ZBED4: variants seen among roughly 807,000 people sequenced by gnomAD.
ZBED4 encodes the protein zinc finger BED-type containing 4, also known as zinc finger BED domain-containing protein 4.
Under a neutral mutation model 15.5 loss-of-function variants are expected in ZBED4, and 4 were observed. The ratio of observed to expected loss-of-function variants is 0.26; its 90% CI spans 0.13 to 0.59. ZBED4 has a LOEUF of 0.59. Among genes scored for constraint, ZBED4 ranks in the 20% least tolerant of loss-of-function variants. The pLI is 0.90. For missense variants in ZBED4, 1,323 were observed against 1,461.8 expected (o/e 0.91, Z 1.55); for synonymous variants, 692 against 608.5 (o/e 1.14, Z -2.02).
chr22:49,877,173 A>G (rs1195106971), intron 1 of ZBED4, among the ~76,000 whole-genome samples: 2 of 151,784 alleles, frequency 1.3e-5, no homozygotes, highest in Non-Finnish European at 1.5e-5. Flanking sequence ...TTATGTTTAA[A>G]GCGTGTTTCT....
At chr22:49,882,838 T>A (rs1368818908) in intron 1 of ZBED4, among the ~76,000 whole-genome samples, 1 of 152,234 alleles carries the variant, frequency 6.6e-6, no homozygotes, top group African/African-American at 2.4e-5. Flanking sequence ...CCTTCTCAGA[T>A]GCAGGAGCCA....
At chr22:49,881,611 C>G (rs570444034) in intron 1 of ZBED4, among the ~76,000 whole-genome samples, 1 of 152,338 alleles carries the variant, frequency 6.6e-6, no homozygotes, top group African/African-American at 2.4e-5. Context: ...CTCCTGCCCT[C>G]AAGTGATCGT....
At chr22:49,875,059 GTTTAA>G (rs751538148) in intron 1 of ZBED4, among the ~76,000 whole-genome samples, 7 of 152,074 alleles carry the variant, frequency 4.6e-5, no homozygotes, top group Non-Finnish European at 7.4e-5. Flanking sequence ...GATACATAGT[GTTTAA>G]TTTAATTTGT....
At chr22:49,870,619 T>G (rs190121453) in intron 1 of ZBED4, among the ~76,000 whole-genome samples, 1 of 152,314 alleles carries the variant, frequency 6.6e-6, no homozygotes, top group East Asian at 1.9e-4. Context: ...CACTTTTATG[T>G]CTCCTTTCGA....
rs372483888 is a variant in ZBED4, at chr22:49,867,381, G to T, written c.-330+13392G>T. Among the ~76,000 whole-genome samples, 1,031 of 152,272 alleles carry T rather than the reference G, an allele frequency of 6.8e-3. 9 individuals carry two copies. The highest frequency in any genetic ancestry group is 0.023 in the African/African-American group (964 of 41,542). On this transcript the variant is annotated intron_variant, in intron 1 of 1. Transcript: ENST00000216268. ...TGTGCCAGGCGGCGGTGGGAGCGGC[G>T]GTTGGGGAGGCACTGCGGTGCATCC...
At chr22:49,872,371 G>T (rs779501786) in intron 1 of ZBED4, among the ~76,000 whole-genome samples, 1 of 152,100 alleles carries the variant, frequency 6.6e-6, no homozygotes, top group African/African-American at 2.4e-5. Flanking sequence ...TGGGTTCTGT[G>T]TATAATTCTA....
At chr22:49,865,596 A>G (rs919279694) in intron 1 of ZBED4, among the ~76,000 whole-genome samples, 1 of 152,100 alleles carries the variant, frequency 6.6e-6, no homozygotes, top group Non-Finnish European at 1.5e-5. Flanking sequence ...AATGGCTTAA[A>G]CCCGGGAGGC....
At chr22:49,862,580 G>A (rs955697977) in intron 1 of ZBED4, among the ~76,000 whole-genome samples, 5 of 151,670 alleles carry the variant, frequency 3.3e-5, no homozygotes, top group Admixed American at 6.6e-5. Flanking sequence ...TGTGCGTGCC[G>A]CCCCAGCCCC....
rs1221117022 is a variant in ZBED4, at chr22:49,868,861, C to T, written c.-329-14473C>T. Among the ~76,000 whole-genome samples, 6 of 151,668 alleles carry T rather than the reference C, an allele frequency of 4.0e-5. No individual in the cohort carries two copies. The East Asian group carries it at 1.2e-3, about 30-fold the overall frequency. On this transcript the variant is annotated intron_variant, in intron 1 of 1. Coordinates refer to ENST00000216268, the MANE Select transcript of ZBED4 (RefSeq NM_014838.3). Reference sequence around the variant, plus strand: ...GCGCAATGGCTCACACCTGTAATCCCAGCACTTTGGGAGGCCAAGGCAGGC... The same window carrying T: ...GCGCAATGGCTCACACCTGTAATCCTAGCACTTTGGGAGGCCAAGGCAGGC...
At position 49,886,042 on chromosome 22, in the gene ZBED4, G is replaced by A. The variant is rs746592015; in HGVS notation, c.2380G>A (p.Ala794Thr). 2.9e-6 allele frequency: 2 copies of A among 683,130 alleles called. No individual in the cohort carries two copies. The highest frequency in any genetic ancestry group is 3.6e-5 in the African/African-American group (2 of 55,992). The allele number at this position is 683,130 out of a possible 1,614,324, so 42.3% of individuals were successfully genotyped here. Residue 794 changes from alanine (A) to threonine (T), a missense_variant, in exon 2 of 2, where the codon GCG (alanine) becomes ACG (threonine). This residue lies in a region of ZBED4 where 100 missense variants were observed against 79.3 expected (regional missense o/e 1.26). Coordinates refer to ENST00000216268, the MANE Select transcript of ZBED4 (RefSeq NM_014838.3). The surrounding 1 kb of genome is among the most constrained non-coding windows in gnomAD (Gnocchi z 7.7). ...IQKQLECWWEAWVTSTGLQVG... is the reference protein window; with the variant it reads ...IQKQLECWWETWVTSTGLQVG... ...GAAGCAGCTGGAGTGCTGGTGGGAA[G>A]CGTGGGTGACCTCCACCGGCCTTCA...
intron 1 of ZBED4, among the ~76,000 whole-genome samples, chr22:49,871,772 T>TTTTTTA (rs1569160170): frequency 6.8e-6 from 1 of 147,720 alleles, no homozygotes; most frequent in South Asian, 2.1e-4. Context: ...TTTTTTTTTT[T>TTTTTTA]GAGACAGAGT....
rs753177858 is a variant in ZBED4 at position 49,884,671 on chromosome 22, G to A, written c.1009G>A (p.Ala337Thr). 15 of 1,609,412 alleles carry A rather than the reference G, an allele frequency of 9.3e-6. No homozygotes were observed. The highest frequency in any genetic ancestry group is 3.3e-5 in the Admixed American group (2 of 59,730). Residue 337 changes from alanine to threonine, a missense_variant, in exon 2 of 2, where the codon GCC becomes ACC. By Grantham distance (58) the Ala-to-Thr change is moderately conservative. Coordinates refer to ENST00000216268, the MANE Select transcript of ZBED4 (RefSeq NM_014838.3). ...LIRHMWRAHR[A>T]IVLQENGGTG... is the part of the protein sequence containing the mutation. ...CAGGCACATGTGGAGGGCACACCGC[G>A]CCATCGTGTTGCAGGAGAACGGGGG...
chr22:49,860,149 A>G (rs1314338444), intron 1 of ZBED4, among the ~76,000 whole-genome samples: 2 of 151,584 alleles, frequency 1.3e-5, no homozygotes, highest in African/African-American at 4.9e-5. Flanking sequence ...ACATACAGAA[A>G]TCAGCCGGGC....
In ZBED4 at chr22:49,887,833, G is replaced by T. The variant is rs2060448257; in HGVS notation, c.*655G>T. 6.0e-6 allele frequency: 1 copy of T among 167,210 alleles called. No individual in the cohort carries two copies. Among genetic ancestry groups the T allele is most frequent in the African/African-American group, 2.4e-5 (1 of 41,442 alleles). The allele number at this position is 167,210 out of a possible 1,614,324, so 10.4% of individuals were successfully genotyped here. On this transcript the variant is annotated 3_prime_UTR_variant, in exon 2 of 2. Coordinates refer to ENST00000216268, the MANE Select transcript of ZBED4 (RefSeq NM_014838.3). Reference sequence around the variant, plus strand: ...AGGTTTCTGCATTCAGGCTTTACATGGTCAGTTAACTCAGAGATACCCCAG... The same window carrying T: ...AGGTTTCTGCATTCAGGCTTTACATTGTCAGTTAACTCAGAGATACCCCAG...
At chr22:49,866,416 C>G (rs904445994) in intron 1 of ZBED4, among the ~76,000 whole-genome samples, 1 of 151,750 alleles carries the variant, frequency 6.6e-6, no homozygotes, top group African/African-American at 2.4e-5. Flanking sequence ...TTGTGTTTCC[C>G]TTTCATTTAT....
chr22:49,886,597 G>A lies in ZBED4; in HGVS notation c.2935G>A (p.Asp979Asn), dbSNP rs777544222. ...GCTCTTCGAGGAGACGATGGGCATC[G>A]ACACCATGCTGCGCTCTCTGAAGGA... ...EMLFEETMGI[D>N]TMLRSLKEAM... The change falls in exon 2 of 2, where the codon GAC becomes AAC. Residue 979 changes from aspartate to asparagine, a missense_variant. By Grantham distance (23) the Asp-to-Asn change is conservative. This residue lies in a region of ZBED4 where 312 missense variants were observed against 410.7 expected (regional missense o/e 0.76). Transcript: ENST00000216268. The surrounding 1 kb of genome is among the most constrained non-coding windows in gnomAD (Gnocchi z 7.7). 12 of 1,559,642 alleles carry A rather than the reference G, an allele frequency of 7.7e-6. No individual in the cohort carries two copies. The highest frequency in any genetic ancestry group is 5.7e-5 in the Admixed American group (3 of 52,808).
chr22:49,855,617 G>T (rs1166407633), intron 1 of ZBED4, among the ~76,000 whole-genome samples: 3 of 152,164 alleles, frequency 2.0e-5, no homozygotes, highest in African/African-American at 4.8e-5. Context: ...CCTTGGTGAG[G>T]AGCCCTGGGG....
intron 1 of ZBED4, among the ~76,000 whole-genome samples, chr22:49,877,231 C>A (rs1003655835): frequency 6.8e-6 from 1 of 146,356 alleles, no homozygotes; most frequent in African/African-American, 2.5e-5. Context: ...TTCTGACAAT[C>A]CCTGTCTGTC....
At chr22:49,869,883 T>C (rs1040109141) in intron 1 of ZBED4, among the ~76,000 whole-genome samples, 1 of 152,222 alleles carries the variant, frequency 6.6e-6, no homozygotes, top group African/African-American at 2.4e-5. Flanking sequence ...TGCGTGATGC[T>C]GAGTTTGGGA....
Sources: gnomAD v4.1 joint callset for allele counts (sites outside exome capture counted in the v4.1 genomes callset) on GRCh38, gnomAD v4.1.1 for gene constraint, gnomAD v4.1.1 regional missense constraint, Gnocchi (gnomAD v3.1) non-coding constraint, MANE v1.5 for transcripts, NCBI Gene and HGNC (gene_info 2026-07-23, HGNC 2026-07-21) for gene names.